MTMR3: variants seen among roughly 807,000 people sequenced by gnomAD.
MTMR3 encodes the protein myotubularin related protein 3.
Under a neutral mutation model 132.4 loss-of-function variants are expected in MTMR3, and 32 were observed. That is an observed-to-expected ratio of 0.24 (90% CI 0.18 to 0.32). MTMR3 has a LOEUF of 0.32. Among genes scored for constraint, MTMR3 ranks in the 10% least tolerant of loss-of-function variants. MTMR3 has a pLI of 1.00. For synonymous variants in MTMR3, 556 were observed against 550.3 expected, an observed-to-expected ratio of 1.01 and a Z score of -0.14; for missense variants, 1,216 against 1,489.6, an observed-to-expected ratio of 0.82 and a Z score of 3.02.
In MTMR3 at chr22:30,020,545, G is replaced by T; in HGVS notation, c.2886G>T (p.Glu962Asp). Residue 962 changes from glutamate to aspartate, a missense_variant, in exon 17 of 20, where the codon GAG becomes GAT. Physicochemically the swap from Glu to Asp is conservative, Grantham distance 45. Transcript: ENST00000401950. ...CCAATGGGCATTGCGCCAATGGGGA[G>T]GCTGGTAGGAGCAAGGACTCACTGA... Reference protein sequence around the residue: ...PTPNGHCANGEAGRSKDSLSR... With the variant: ...PTPNGHCANGDAGRSKDSLSR... 1 of 1,614,202 alleles carries T rather than the reference G, an allele frequency of 6.2e-7. No individual in the cohort carries two copies. The highest frequency in any genetic ancestry group is 1.1e-5 in the South Asian group (1 of 91,080).
chr22:29,966,857 C>A (rs1268406495), intron 2 of MTMR3, among the ~76,000 whole-genome samples: 4 of 151,478 alleles, frequency 2.6e-5, no homozygotes, highest in Non-Finnish European at 5.9e-5. Context: ...TTGCATTTAA[C>A]CATTTTGCTC....
intron 2 of MTMR3, among the ~76,000 whole-genome samples, chr22:29,970,665 A>C (rs1020894596): frequency 2.6e-5 from 4 of 152,014 alleles, no homozygotes; most frequent in Non-Finnish European, 5.9e-5. Flanking sequence ...TTGTTGCTTT[A>C]TTCATCCAAG....
At position 30,020,680 on chromosome 22, in the gene MTMR3, C is replaced by T. The variant is rs535828317; in HGVS notation, c.3021C>T (p.Pro1007=). ...HSGRPSATSS[P]DQPSRSHLDD... The stretch of plus-strand genomic sequence containing the variant: ...GAAGGCCATCTGCAACCAGCAGCCC[C>T]GACCAGCCTTCCCGCAGCCACCTGG... Residue 1007 remains proline, a synonymous_variant, in exon 17 of 20, where the codon CCC becomes CCT. Transcript: ENST00000401950. 97 of 1,614,222 alleles carry T rather than the reference C, an allele frequency of 6.0e-5. 1 individual carries two copies. In the Middle Eastern group the frequency reaches 6.6e-4, roughly 11 times the overall value.
rs145033252 is a variant in MTMR3 at position 30,019,573 on chromosome 22, C to A, written c.1914C>A (p.Asn638Lys). The change falls in exon 17 of 20, where the codon AAC becomes AAA. Residue 638 changes from asparagine to lysine, a missense_variant. Asn to Lys is a moderately conservative substitution (Grantham distance 94, BLOSUM62 0). Transcript: ENST00000401950. ...ASRRCSDPSL[N>K]EKWQEHRRSL... ...GGCGCTGCAGCGACCCCAGCCTGAA[C>A]GAGAAGTGGCAGGAGCACCGGCGCT... 1.2e-6 allele frequency: 2 copies of A among 1,613,936 alleles called. No individual in the cohort carries two copies. The highest frequency in any genetic ancestry group is 1.7e-6 in the Non-Finnish European group (2 of 1,180,046).
rs1043833052 is a variant in MTMR3 at position 30,027,404 on chromosome 22, T to G, written c.*1603T>G. On this transcript the variant is annotated 3_prime_UTR_variant, in exon 20 of 20. Coordinates refer to ENST00000401950, the MANE Select transcript of MTMR3 (RefSeq NM_021090.4). ...GTGGCCCAGAAGGCTTCCCTGGTGC[T>G]CTCAGTCCAGGCAAAGCCCAGAGCA... 1 of 152,784 alleles carries G rather than the reference T, an allele frequency of 6.5e-6. No homozygotes were observed. The highest frequency in any genetic ancestry group is 2.4e-5 in the African/African-American group (1 of 41,428). 9.5% of individuals were successfully genotyped at this position (152,784 alleles called of 1,614,324 possible).
chr22:29,933,490 T>C (rs2065686254), intron 1 of MTMR3, among the ~76,000 whole-genome samples: 1 of 152,162 alleles, frequency 6.6e-6, no homozygotes, highest in Non-Finnish European at 1.5e-5. Context: ...TTTTTAATCT[T>C]CTTAACTAAA....
chr22:29,961,234 G>A (rs2066305293), intron 2 of MTMR3, among the ~76,000 whole-genome samples: 1 of 151,822 alleles, frequency 6.6e-6, no homozygotes, highest in South Asian at 2.1e-4. Flanking sequence ...AGAATAATTA[G>A]GGCTACAGAA....
rs1415523921 is a variant in MTMR3, at chr22:30,029,351, C to CTATGAGG, written c.*3551_*3557dup. On this transcript the variant is annotated 3_prime_UTR_variant, in exon 20 of 20. Coordinates refer to ENST00000401950, the MANE Select transcript of MTMR3 (RefSeq NM_021090.4). ...AGCTGCCTTAATCCACTGAGATTCT[C>CTATGAGG]TATGAGGATGTACAGAAAAGTTTTC... is the stretch of plus-strand genomic sequence containing the variant. The CTATGAGG allele has an allele frequency of 6.6e-6, 1 of 152,334 alleles. No individual in the cohort carries two copies. Among genetic ancestry groups the CTATGAGG allele is most frequent in the Non-Finnish European group, 1.5e-5 (1 of 68,042 alleles). The allele number at this position is 152,334 out of a possible 1,614,324, so 9.4% of individuals were successfully genotyped here.
chr22:29,998,960 A>G (rs1601398278), intron 8 of MTMR3, 103 bp downstream of exon 8: 5 of 674,308 alleles, frequency 7.4e-6, no homozygotes, highest in Non-Finnish European at 1.2e-5. Flanking sequence ...TTTATTTGAA[A>G]TGGTTTTATT....
intron 1 of MTMR3, among the ~76,000 whole-genome samples, chr22:29,936,623 A>G (rs539793465): frequency 6.6e-6 from 1 of 152,328 alleles, no homozygotes; most frequent in East Asian, 1.9e-4. Flanking sequence ...AGGATATTTA[A>G]TAAGTGTTCA....
Position 30,008,859 on chromosome 22 carries a change from T to C in MTMR3, c.1010-159T>C, listed in dbSNP as rs2067337545. Reference sequence around the variant, plus strand: ...CTAAAATTCAGTGTGTTCCTCTTATTATAAAGGATTGGGCTAATAGTTAAG... The same window carrying C: ...CTAAAATTCAGTGTGTTCCTCTTATCATAAAGGATTGGGCTAATAGTTAAG... On this transcript the variant is annotated intron_variant, in intron 11 of 19. Coordinates refer to ENST00000401950, the MANE Select transcript of MTMR3 (RefSeq NM_021090.4). 5.7e-6 allele frequency: 3 copies of C among 523,376 alleles called. No individual in the cohort carries two copies. In the South Asian group the frequency reaches 8.9e-5, roughly 15 times the overall value. The allele number at this position is 523,376 out of a possible 1,614,324, so 32.4% of individuals were successfully genotyped here. A position where few individuals can be genotyped will look rare whatever the true frequency, so the allele number is the denominator to read the frequency against.
At chr22:30,010,069 G>A (rs1195646216) in intron 12 of MTMR3, 1 of 152,218 alleles carries the variant, frequency 6.6e-6, no homozygotes, top group Non-Finnish European at 1.5e-5. Context: ...AAGCCTGACC[G>A]GAGAATTGAG....
intron 2 of MTMR3, among the ~76,000 whole-genome samples, chr22:29,962,158 A>G (rs539232677): frequency 2.3e-4 from 35 of 152,378 alleles, no homozygotes; most frequent in Non-Finnish European, 4.6e-4. Flanking sequence ...AACAGTTGCT[A>G]TATTTACATG....
intron 6 of MTMR3, 153 bp from the exon 7 acceptor site, chr22:29,991,351 A>T (rs1376425281): frequency 1.4e-5 from 9 of 627,882 alleles, no homozygotes; most frequent in Non-Finnish European, 2.3e-5. Flanking sequence ...CTTATAAGTG[A>T]TAATGAGCAT....
In MTMR3 at chr22:30,020,400, C is replaced by T; in HGVS notation, c.2741C>T (p.Pro914Leu). The T allele has an allele frequency of 6.2e-7, 1 of 1,614,218 alleles. No homozygotes were observed. Among genetic ancestry groups the T allele is most frequent in the Non-Finnish European group, 8.5e-7 (1 of 1,180,038 alleles). Residue 914 changes from proline to leucine, a missense_variant, in exon 17 of 20, where the codon CCT becomes CTT. Physicochemically the swap from Pro to Leu is moderately conservative, Grantham distance 98. Coordinates refer to ENST00000401950, the MANE Select transcript of MTMR3 (RefSeq NM_021090.4). ...LGSTLSLTRS[P>L]CALPLAECKE... The stretch of plus-strand genomic sequence containing the variant: ...AGCACTCTCAGCCTGACACGTTCCC[C>T]TTGTGCCTTGCCTTTAGCCGAATGT...
intron 10 of MTMR3, 114 bp from the exon 11 acceptor site, chr22:30,007,787 G>C: frequency 7.9e-7 from 1 of 1,268,264 alleles, no homozygotes; most frequent in South Asian, 1.5e-5. Context: ...TTGGTTAGGG[G>C]ATTTCATTTT....
chr22:29,922,488 ACTT>A (rs1197753354), intron 1 of MTMR3, among the ~76,000 whole-genome samples: 1 of 152,120 alleles, frequency 6.6e-6, no homozygotes, highest in Non-Finnish European at 1.5e-5. Flanking sequence ...ACCTGCTTTT[ACTT>A]CTTGTGGGTA....
intron 1 of MTMR3, among the ~76,000 whole-genome samples, chr22:29,890,089 G>C (rs2064766324): frequency 6.6e-6 from 1 of 151,558 alleles, no homozygotes; most frequent in Non-Finnish European, 1.5e-5. Context: ...TGTATTTTTA[G>C]TAGAGACAGG....
intron 8 of MTMR3, chr22:30,001,430 G>C (rs756182558): frequency 1.3e-5 from 2 of 152,358 alleles, no homozygotes; most frequent in Non-Finnish European, 2.9e-5. Context: ...GTGCATGCCT[G>C]TAGTCCCAGC....
Sources: allele counts gnomAD v4.1 joint callset (sites outside exome capture counted in the v4.1 genomes callset), GRCh38; gene constraint gnomAD v4.1.1; transcripts MANE v1.5; gene names NCBI Gene and HGNC (gene_info 2026-07-23, HGNC 2026-07-21).